RNF13: variants seen among roughly 807,000 people sequenced by gnomAD.
The protein encoded by RNF13 is ring finger protein 13.
RNF13 carries 19 observed loss-of-function variants against 37.7 expected under a neutral mutation model. That is an observed-to-expected ratio of 0.50 (90% CI 0.35 to 0.74). RNF13 has a LOEUF of 0.74. Ranked by LOEUF, RNF13 falls within the 30% of genes least tolerant of loss-of-function variation. The pLI, the probability that RNF13 is intolerant of heterozygous loss-of-function variation, is 0.01. For synonymous variants in RNF13, 144 were observed against 157.8 expected (o/e 0.91, Z 0.65); for missense variants, 375 against 453.0 (o/e 0.83, Z 1.56).
At chr3:149,887,022 A>C (rs1224151362) in intron 4 of RNF13, among the ~76,000 whole-genome samples, 1 of 152,142 alleles carries the variant, frequency 6.6e-6, no homozygotes, top group Non-Finnish European at 1.5e-5. Flanking sequence ...CGGAGAATAT[A>C]CTTTGTGTGA....
chr3:149,910,731 G>T (rs1337857212), intron 6 of RNF13, among the ~76,000 whole-genome samples: 1 of 152,162 alleles, frequency 6.6e-6, no homozygotes, highest in Non-Finnish European at 1.5e-5. Flanking sequence ...GAGTAGCTTT[G>T]CTGGCACCGT....
At chr3:149,931,041 G>T (rs1719110861) in intron 8 of RNF13, among the ~76,000 whole-genome samples, 1 of 151,420 alleles carries the variant, frequency 6.6e-6, no homozygotes, top group Non-Finnish European at 1.5e-5. Context: ...GTGTTTTTTT[G>T]GTTGTGTGTG....
At chr3:149,865,663 G>A (rs186754825) in intron 3 of RNF13, among the ~76,000 whole-genome samples, 72 of 151,992 alleles carry the variant, frequency 4.7e-4, no homozygotes, top group African/African-American at 1.7e-3. Context: ...TTGTAATTTT[G>A]TATTTTTCTG....
At chr3:149,911,758 T>A (rs1183855951) in intron 6 of RNF13, among the ~76,000 whole-genome samples, 1 of 152,172 alleles carries the variant, frequency 6.6e-6, no homozygotes. Flanking sequence ...AGTTTAATCA[T>A]ATAGGCATGC....
intron 5 of RNF13, among the ~76,000 whole-genome samples, chr3:149,898,109 G>A (rs1043808514): frequency 6.6e-6 from 1 of 152,114 alleles, no homozygotes; most frequent in Non-Finnish European, 1.5e-5. Flanking sequence ...CTATAATAGT[G>A]TGAATAATTT....
At chr3:149,816,260 A>C (rs959125429) in intron 1 of RNF13, among the ~76,000 whole-genome samples, 5 of 152,078 alleles carry the variant, frequency 3.3e-5, no homozygotes, top group African/African-American at 1.2e-4. Flanking sequence ...ATAACTTCTG[A>C]GTTCACACAA....
intron 3 of RNF13, 64 bp downstream of exon 3, chr3:149,852,660 ATTAT>A (rs1296672418): frequency 1.3e-6 from 1 of 751,056 alleles, no homozygotes; most frequent in Non-Finnish European, 2.1e-6. Context: ...TTTATTGTTT[ATTAT>A]TTAAAGAATG....
chr3:149,838,712 A>G (rs1451906683), intron 1 of RNF13, among the ~76,000 whole-genome samples: 119 of 152,202 alleles, frequency 7.8e-4, no homozygotes, highest in Non-Finnish European at 1.4e-3. Flanking sequence ...GTGATGGGAG[A>G]GGCTGCCATG....
chr3:149,894,353 G>C (rs1715022484), intron 4 of RNF13, among the ~76,000 whole-genome samples: 1 of 152,158 alleles, frequency 6.6e-6, no homozygotes. Flanking sequence ...CTAGCTTTCA[G>C]ATCCAGTCTG....
chr3:149,933,766 T>C (rs1354438102), intron 8 of RNF13, among the ~76,000 whole-genome samples: 2 of 152,014 alleles, frequency 1.3e-5, no homozygotes, highest in Admixed American at 1.3e-4. Context: ...GTATTCTTAG[T>C]AGAGACGGGG....
chr3:149,954,165 G>A (rs1721625117), intron 8 of RNF13, among the ~76,000 whole-genome samples: 1 of 151,792 alleles, frequency 6.6e-6, no homozygotes, highest in Admixed American at 6.6e-5. Flanking sequence ...GTGTACTCTA[G>A]TGGTTTTGAC....
intron 8 of RNF13, among the ~76,000 whole-genome samples, chr3:149,922,882 G>A (rs1417690404): frequency 3.3e-5 from 5 of 152,120 alleles, no homozygotes; most frequent in African/African-American, 1.2e-4. Flanking sequence ...ACCTTTTAGT[G>A]CAGATACCTA....
At chr3:149,875,449 G>A (rs897883621) in intron 4 of RNF13, among the ~76,000 whole-genome samples, 6 of 152,106 alleles carry the variant, frequency 3.9e-5, no homozygotes, top group African/African-American at 1.4e-4. Flanking sequence ...TTCTTTAAAA[G>A]GAAATGAATA....
intron 4 of RNF13, among the ~76,000 whole-genome samples, chr3:149,891,310 T>C (rs1389491149): frequency 2.0e-5 from 3 of 152,216 alleles, no homozygotes; most frequent in Admixed American, 1.3e-4. Context: ...AAAAGGTCTC[T>C]ATTCATGATC....
Position 149,926,779 on chromosome 3 carries a change from G to T in RNF13, c.700+5552G>T, listed in dbSNP as rs992190520. On this transcript the variant is annotated intron_variant, in intron 8 of 9. Coordinates refer to ENST00000392894, the MANE Select transcript of RNF13 (RefSeq NM_183381.3). Reference sequence around the variant, plus strand: ...CCAGATATGTGTGGGTTTGTTTCTGGATTTCTCTTGGTTTTATTGTTTAAC... The same window carrying T: ...CCAGATATGTGTGGGTTTGTTTCTGTATTTCTCTTGGTTTTATTGTTTAAC... Among the ~76,000 whole-genome samples the T allele has an allele frequency of 4.6e-5, 7 of 152,008 alleles. 1 individual carries two copies. Among genetic ancestry groups the T allele is most frequent in the Non-Finnish European group, 1.5e-5 (1 of 67,998 alleles).
chr3:149,827,124 A>G (rs1343028735), intron 1 of RNF13, among the ~76,000 whole-genome samples: 1 of 152,186 alleles, frequency 6.6e-6, no homozygotes, highest in Non-Finnish European at 1.5e-5. Context: ...GTATCTGTGG[A>G]TTCAACCAGT....
chr3:149,860,270 A>AAAAT (rs1302318768), intron 3 of RNF13, among the ~76,000 whole-genome samples: 49 of 104,092 alleles, frequency 4.7e-4, no homozygotes, highest in East Asian at 1.8e-3. Context: ...AAAAAAAAAA[A>AAAAT]ATATATATAT....
At chr3:149,871,849 T>G (rs1039657982) in intron 3 of RNF13, among the ~76,000 whole-genome samples, 180 bp from the exon 4 acceptor site, 3 of 152,190 alleles carry the variant, frequency 2.0e-5, no homozygotes, top group African/African-American at 7.2e-5. Flanking sequence ...TTTAGAAAAC[T>G]AAATGCTTGT....
chr3:149,844,814 G>A (rs1008718604), intron 1 of RNF13, among the ~76,000 whole-genome samples: 6 of 152,110 alleles, frequency 3.9e-5, no homozygotes, highest in Non-Finnish European at 7.3e-5. Flanking sequence ...ACCAATTAAA[G>A]TGTACAATGC....
Sources: gnomAD v4.1 joint callset for allele counts (sites outside exome capture counted in the v4.1 genomes callset) on GRCh38, gnomAD v4.1.1 for gene constraint, MANE v1.5 for transcripts, NCBI Gene and HGNC (gene_info 2026-07-23, HGNC 2026-07-21) for gene names.